MAST2: variants seen among roughly 807,000 people sequenced by gnomAD.
MAST2 encodes the protein microtubule-associated serine/threonine-protein kinase 2.
In MAST2, 70 loss-of-function variants were observed where a neutral mutation model predicts 147.4. The observed-to-expected ratio is 0.47, with a 90% CI of 0.39 to 0.58. MAST2 has a LOEUF of 0.58. Ranked by LOEUF, MAST2 falls within the 20% of genes least tolerant of loss-of-function variation. The pLI, the probability that MAST2 is intolerant of heterozygous loss-of-function variation, is 0.00. For synonymous variants in MAST2, 869 were observed against 896.8 expected (o/e 0.97, Z 0.55); for missense variants, 2,080 against 2,302.3 (o/e 0.90, Z 1.98).
intron 10 of MAST2, 40 bp from the exon 11 acceptor site, chr1:46,019,556 A>C: frequency 6.5e-7 from 1 of 1,537,432 alleles, no homozygotes; most frequent in Non-Finnish European, 9.0e-7. Flanking sequence ...GCCCAGCCAC[A>C]CTGGGCCAAT....
intron 2 of MAST2, among the ~76,000 whole-genome samples, chr1:45,827,045 G>C (rs1432551614): frequency 6.6e-6 from 1 of 151,882 alleles, no homozygotes; most frequent in Non-Finnish European, 1.5e-5. Flanking sequence ...GGCCAGAATG[G>C]TCTCAATCTC....
At chr1:45,845,412 TAACA>T (rs1645400131) in intron 3 of MAST2, among the ~76,000 whole-genome samples, 2 of 152,208 alleles carry the variant, frequency 1.3e-5, no homozygotes, top group African/African-American at 4.8e-5. Flanking sequence ...TTTAAACTGT[TAACA>T]AGACTTAGTT....
intron 3 of MAST2, among the ~76,000 whole-genome samples, chr1:45,834,619 T>A (rs909717847): frequency 6.6e-6 from 1 of 152,268 alleles, no homozygotes; most frequent in Non-Finnish European, 1.5e-5. Flanking sequence ...TTTGTATTCT[T>A]AAAATATATA....
chr1:46,022,021 T>C lies in MAST2; in HGVS notation c.1362T>C (p.Ile454=), dbSNP rs1349981444. 6.2e-7 allele frequency: 1 copy of C among 1,614,188 alleles called. No individual in the cohort carries two copies. Among genetic ancestry groups the C allele is most frequent in the Non-Finnish European group, 8.5e-7 (1 of 1,180,020 alleles). The change falls in exon 12 of 29, where the codon ATT becomes ATC. Residue 454 remains isoleucine (I), a synonymous_variant. Transcript: ENST00000361297. ...GCCACGCCAAAGAGGGACAAGGGAT[T>C]AAATGTGACATTCCCCGCTACATCG... ...AEGHAKEGQG[I]KCDIPRYIVS...
chr1:46,002,969 A>C, intron 7 of MAST2, 86 bp downstream of exon 7: 10 of 1,344,286 alleles, frequency 7.4e-6, no homozygotes, highest in East Asian at 2.3e-5. Flanking sequence ...AATGGTTCTC[A>C]ACTTTTTCTC....
rs775605965 is a variant in MAST2 at position 46,035,573 on chromosome 1, C to CG, written c.4907dup (p.Leu1637ThrfsTer27). On this transcript the variant is annotated frameshift_variant, in exon 29 of 29. Transcript: ENST00000361297. LOFTEE classifies it low-confidence loss of function (END_TRUNC). This position sits in a 1 kb window ranked among gnomAD's most constrained non-coding sequence, Gnocchi z 5.5. ...CTAACAGCACTTTCTCCCAGCACTT[C>CG]GGGACTCACCCCCACCAGCAGTTGC... is the stretch of plus-strand genomic sequence containing the variant. 7.4e-6 allele frequency: 12 copies of CG among 1,613,520 alleles called. No homozygotes were observed.
chr1:45,928,402 A>G (rs913072646), intron 4 of MAST2, among the ~76,000 whole-genome samples: 4 of 152,222 alleles, frequency 2.6e-5, no homozygotes, highest in African/African-American at 9.6e-5. Context: ...TAGCCAAACT[A>G]TGTCAGCACA....
intron 4 of MAST2, among the ~76,000 whole-genome samples, chr1:45,919,279 T>C (rs150376811): frequency 0.011 from 1,745 of 152,210 alleles, 19 homozygotes; most frequent in Non-Finnish European, 0.02. Flanking sequence ...TATCCAAGGA[T>C]TGAGCTCTGG....
At position 46,035,880 on chromosome 1, in the gene MAST2, G is replaced by A. The variant is rs1241922859; in HGVS notation, c.5211G>A (p.Glu1737=). ...CTGAGTGTGCACAAGCAGTGAAAGA[G>A]GATCCAGCCCTGAGCATCACCCAAG... The part of the protein sequence containing the change: ...WESECAQAVK[E]DPALSITQVP... Residue 1737 remains glutamate (E), a synonymous_variant, in exon 29 of 29, where the codon GAG becomes GAA. Transcript: ENST00000361297. The surrounding 1 kb of genome is among the most constrained non-coding windows in gnomAD (Gnocchi z 5.5). The A allele has an allele frequency of 1.2e-6, 2 of 1,614,122 alleles. No homozygotes were observed. The highest frequency in any genetic ancestry group is 1.7e-6 in the Non-Finnish European group (2 of 1,180,036).
chr1:45,906,493 T>G (rs1185839714), intron 4 of MAST2, among the ~76,000 whole-genome samples: 2 of 149,102 alleles, frequency 1.3e-5, no homozygotes, highest in African/African-American at 5.1e-5. Flanking sequence ...ACTTAAAGAA[T>G]TTAAGGTGAA....
At chr1:45,893,415 G>A (rs1175935512) in intron 4 of MAST2, among the ~76,000 whole-genome samples, 1 of 151,200 alleles carries the variant, frequency 6.6e-6, no homozygotes, top group Non-Finnish European at 1.5e-5. Context: ...TTTTTGCAGG[G>A]GGCGGGGTAG....
chr1:45,958,103 T>G (rs760166556), intron 4 of MAST2, among the ~76,000 whole-genome samples: 6 of 152,068 alleles, frequency 3.9e-5, no homozygotes, highest in Non-Finnish European at 5.9e-5. Context: ...TGGAAGGCAT[T>G]CCATGGTGAC....
chr1:45,937,812 G>A (rs190805595), intron 4 of MAST2, among the ~76,000 whole-genome samples: 9 of 146,328 alleles, frequency 6.2e-5, no homozygotes, highest in Admixed American at 5.5e-4. Flanking sequence ...CAACGTAAGC[G>A]ATTCAATGGT....
At chr1:45,827,061 C>A (rs1347783690) in intron 2 of MAST2, among the ~76,000 whole-genome samples, 1 of 151,972 alleles carries the variant, frequency 6.6e-6, no homozygotes, top group Non-Finnish European at 1.5e-5. Context: ...ATCTCTTGAC[C>A]TCGTGATCCG....
At chr1:45,816,206 G>GGAGTGAGAGAGAGAAAGA (rs1644446252) in intron 1 of MAST2, among the ~76,000 whole-genome samples, 1 of 137,320 alleles carries the variant, frequency 7.3e-6, no homozygotes, top group South Asian at 2.5e-4. Flanking sequence ...GGGGTGGGGG[G>GGAGTGAGAGAGAGAAAGA]GAGAGAGAGA....
intron 10 of MAST2, among the ~76,000 whole-genome samples, chr1:46,015,386 G>C (rs1308075596): frequency 5.3e-5 from 8 of 152,140 alleles, no homozygotes; most frequent in African/African-American, 1.9e-4. Flanking sequence ...GAATCCAGGA[G>C]CTGGTTTTTT....
At position 46,035,640 on chromosome 1, in the gene MAST2, C is replaced by G; in HGVS notation, c.4971C>G (p.Ser1657=). ...SSTSGKLSMW[S]WKSLIEGPDR... ...CCTCTGGGAAGCTGAGCATGTGGTC[C>G]TGGAAATCCCTTATTGAGGGCCCAG... The change falls in exon 29 of 29, where the codon TCC becomes TCG. Residue 1657 remains serine, a synonymous_variant. Coordinates refer to ENST00000361297, the MANE Select transcript of MAST2 (RefSeq NM_015112.3). This position sits in a 1 kb window ranked among gnomAD's most constrained non-coding sequence, Gnocchi z 5.5. 3 of 1,613,946 alleles carry G rather than the reference C, an allele frequency of 1.9e-6. No homozygotes were observed. Among genetic ancestry groups the G allele is most frequent in the Non-Finnish European group, 2.5e-6 (3 of 1,180,010 alleles).
At chr1:45,836,163 T>C (rs1167008658) in intron 3 of MAST2, among the ~76,000 whole-genome samples, 1 of 152,198 alleles carries the variant, frequency 6.6e-6, no homozygotes, top group African/African-American at 2.4e-5. Context: ...GTTTAACTTT[T>C]TGAAGAACTA....
At chr1:45,974,376 A>C (rs973449210) in intron 5 of MAST2, among the ~76,000 whole-genome samples, 13 of 152,188 alleles carry the variant, frequency 8.5e-5, no homozygotes. Flanking sequence ...GCGGGAGATC[A>C]TGTCAGCCCA....
Sources: gnomAD v4.1 joint callset for allele counts (sites outside exome capture counted in the v4.1 genomes callset) on GRCh38, gnomAD v4.1.1 for gene constraint, Gnocchi (gnomAD v3.1) non-coding constraint, MANE v1.5 for transcripts, NCBI Gene and HGNC (gene_info 2026-07-23, HGNC 2026-07-21) for gene names.